DLG2: variants seen among roughly 807,000 people sequenced by gnomAD.
The protein encoded by DLG2 is disks large homolog 2.
Under a neutral mutation model 132.5 loss-of-function variants are expected in DLG2, and 45 were observed. That is an observed-to-expected ratio of 0.34 (90% confidence interval 0.27 to 0.44). The LOEUF is 0.44. DLG2 is among the 20% of genes least tolerant of loss of function. The pLI is 1.00. For missense variants in DLG2, 1,045 were observed against 1,196.9 expected (o/e 0.87, Z 1.87); for synonymous variants, 424 against 419.6 (o/e 1.01, Z -0.13).
At chr11:84,992,770 C>T (rs905229917) in intron 6 of DLG2, among the ~76,000 whole-genome samples, 1 of 152,010 alleles carries the variant, frequency 6.6e-6, no homozygotes, top group African/African-American at 2.4e-5. Flanking sequence ...ATTTAAGTTC[C>T]TTGTAGATTC....
chr11:83,692,901 A>T (rs1456562936), intron 18 of DLG2: 3 of 152,090 alleles, frequency 2.0e-5, no homozygotes, highest in Non-Finnish European at 4.4e-5. Flanking sequence ...TCCCCTCACA[A>T]GCCTTCATGT....
At chr11:84,543,287 GGGA>G (rs896650560) in intron 6 of DLG2, among the ~76,000 whole-genome samples, 10 of 152,076 alleles carry the variant, frequency 6.6e-5, no homozygotes, top group Admixed American at 5.9e-4. Context: ...GGAGAAAAAT[GGGA>G]GGAGGAAAGG....
At chr11:83,582,878 T>C (rs2097007078) in intron 19 of DLG2, among the ~76,000 whole-genome samples, 1 of 152,198 alleles carries the variant, frequency 6.6e-6, no homozygotes, top group Non-Finnish European at 1.5e-5. Flanking sequence ...ATTATTATCA[T>C]TGTTGCTAAA....
intron 7 of DLG2, among the ~76,000 whole-genome samples, chr11:84,531,575 C>T (rs1455858682): frequency 6.6e-6 from 1 of 152,078 alleles, no homozygotes; most frequent in East Asian, 1.9e-4. Flanking sequence ...AAATCCTGGT[C>T]CCAAAATAGC....
intron 6 of DLG2, among the ~76,000 whole-genome samples, chr11:85,088,223 T>C (rs192270527): frequency 8.1e-4 from 124 of 152,270 alleles, no homozygotes; most frequent in African/African-American, 2.9e-3. Flanking sequence ...GTTCTGGCTA[T>C]AGCAACTAGG....
chr11:85,553,691 T>C (rs1471168157), intron 3 of DLG2, among the ~76,000 whole-genome samples: 2 of 151,540 alleles, frequency 1.3e-5, no homozygotes, highest in African/African-American at 4.8e-5. Context: ...TATACATTTA[T>C]AAAAATTATC....
At chr11:84,262,923 T>C (rs1248550311) in intron 7 of DLG2, among the ~76,000 whole-genome samples, 2 of 152,178 alleles carry the variant, frequency 1.3e-5, no homozygotes, top group Non-Finnish European at 1.5e-5. Context: ...GAGTCATTGA[T>C]AATGGAATCA....
chr11:83,623,792 T>G (rs150674301), intron 19 of DLG2, among the ~76,000 whole-genome samples: 1 of 152,358 alleles, frequency 6.6e-6, no homozygotes, highest in East Asian at 1.9e-4. Context: ...CCCTTGAAAC[T>G]AACCTAACCT....
chr11:85,084,051 A>T (rs988038071), intron 6 of DLG2, among the ~76,000 whole-genome samples: 17 of 152,158 alleles, frequency 1.1e-4, no homozygotes, highest in Admixed American at 1.0e-3. Context: ...ACAGAATTGG[A>T]GTACAGGTAC....
chr11:84,357,505 T>C (rs1370303800), intron 7 of DLG2, among the ~76,000 whole-genome samples: 1 of 151,984 alleles, frequency 6.6e-6, no homozygotes, highest in African/African-American at 2.4e-5. Flanking sequence ...GTTGGGTGAT[T>C]ATGTATTTTA....
chr11:83,585,779 G>C (rs2097074447), intron 19 of DLG2, among the ~76,000 whole-genome samples: 1 of 152,170 alleles, frequency 6.6e-6, no homozygotes, highest in South Asian at 2.1e-4. Context: ...GAAGCTTTGA[G>C]TATTCCTATC....
intron 5 of DLG2, among the ~76,000 whole-genome samples, chr11:85,127,661 G>T (rs1385453785): frequency 6.6e-6 from 1 of 152,048 alleles, no homozygotes; most frequent in Non-Finnish European, 1.5e-5. Flanking sequence ...TTCTACCATG[G>T]GAGCAACTGT....
At chr11:84,335,989 T>C (rs948181635) in intron 7 of DLG2, among the ~76,000 whole-genome samples, 3 of 152,304 alleles carry the variant, frequency 2.0e-5, no homozygotes, top group East Asian at 3.9e-4. Context: ...TAATTCAACA[T>C]AAATTTTTAT....
At chr11:85,041,293 C>G (rs1040301700) in intron 6 of DLG2, among the ~76,000 whole-genome samples, 1 of 151,898 alleles carries the variant, frequency 6.6e-6, no homozygotes, top group Non-Finnish European at 1.5e-5. Context: ...TTTATTGACA[C>G]TGGTGAGAAG....
chr11:83,536,775 G>A (rs1010045912), intron 20 of DLG2, among the ~76,000 whole-genome samples: 1 of 152,150 alleles, frequency 6.6e-6, no homozygotes, highest in Non-Finnish European at 1.5e-5. Context: ...GGGGCTACTA[G>A]TTCTTTACCT....
intron 16 of DLG2, among the ~76,000 whole-genome samples, chr11:83,836,599 A>T (rs2056237131): frequency 6.6e-6 from 1 of 152,196 alleles, no homozygotes; most frequent in Non-Finnish European, 1.5e-5. Context: ...TCCTATCTTA[A>T]CTGATTAGTA....
At chr11:85,037,606 T>C (rs1401046828) in intron 6 of DLG2, among the ~76,000 whole-genome samples, 1 of 150,930 alleles carries the variant, frequency 6.6e-6, no homozygotes, top group Non-Finnish European at 1.5e-5. Flanking sequence ...AAAATTAACC[T>C]GAGTGTTATC....
chr11:85,369,420 GT>G (rs548606885), intron 3 of DLG2, among the ~76,000 whole-genome samples: 5,300 of 148,224 alleles, frequency 0.036, 142 homozygotes, highest in Admixed American at 0.05. Flanking sequence ...TTTTTAAACT[GT>G]TTTTTTTTTC....
intron 4 of DLG2, among the ~76,000 whole-genome samples, chr11:85,221,432 A>C (rs1316752419): frequency 6.6e-6 from 1 of 152,226 alleles, no homozygotes; most frequent in African/African-American, 2.4e-5. Flanking sequence ...GACAGATAGA[A>C]TATTAGACAG....
Sources: allele counts gnomAD v4.1 joint callset (sites outside exome capture counted in the v4.1 genomes callset), GRCh38; gene constraint gnomAD v4.1.1; transcripts MANE v1.5; gene names NCBI Gene and HGNC (gene_info 2026-07-23, HGNC 2026-07-21).